The following RBM33 variants were observed in gnomAD, a reference collection of about 807,000 sequenced individuals.
The protein encoded by RBM33 is RNA-binding protein 33.
In RBM33, 28 loss-of-function variants were observed where a neutral mutation model predicts 132.6. That is an observed-to-expected ratio of 0.21 (90% CI 0.16 to 0.29). The LOEUF (loss-of-function observed/expected upper bound fraction) is 0.29. Ranked by LOEUF, RBM33 falls within the 10% of genes least tolerant of loss-of-function variation. RBM33 has a pLI of 1.00. For missense variants in RBM33, 1,291 were observed against 1,518.5 expected, an observed-to-expected ratio of 0.85 and a Z score of 2.49; for synonymous variants, 634 against 593.0, an observed-to-expected ratio of 1.07 and a Z score of -1.01.
Position 155,776,226 on chromosome 7 carries a change from G to C in RBM33, c.*1185G>C, listed in dbSNP as rs1448182522. 6.6e-6 allele frequency: 1 copy of C among 152,622 alleles called. No individual in the cohort carries two copies. Among genetic ancestry groups the C allele is most frequent in the Non-Finnish European group, 1.5e-5 (1 of 68,042 alleles). 9.5% of individuals were successfully genotyped at this position (152,622 alleles called of 1,614,324 possible). On this transcript the variant is annotated 3_prime_UTR_variant, in exon 18 of 18. Transcript: ENST00000401878. The surrounding 1 kb of genome is among the most constrained non-coding windows in gnomAD (Gnocchi z 4.0). ...TTACAGTATTTCTGCTCATGAAAGA[G>C]TTTCACTATTTTGGATATATTCTAA... is the stretch of plus-strand genomic sequence containing the variant.
chr7:155,704,277 T>C (rs35749642), intron 6 of RBM33, among the ~76,000 whole-genome samples: 1,624 of 152,322 alleles, frequency 0.011, 14 homozygotes, highest in Non-Finnish European at 0.014. Flanking sequence ...CTAGCTTTTT[T>C]TGCTCTATCA....
In RBM33 at chr7:155,755,287, C is replaced by T. The variant is rs537118146; in HGVS notation, c.2980-8525C>T. Among the ~76,000 whole-genome samples, 9 of 152,306 alleles carry T rather than the reference C, an allele frequency of 5.9e-5. No individual in the cohort carries two copies. The South Asian group carries it at 1.7e-3, about 28-fold the overall frequency. ...AGAGGCTGCCCTGGGACACTACACC[C>T]CTGTCCTTCTGTGTGTCCTGACAAT... On this transcript the variant is annotated intron_variant, in intron 14 of 17. Coordinates refer to ENST00000401878, the MANE Select transcript of RBM33 (RefSeq NM_053043.3).
chr7:155,732,517 G>A (rs1388876478), intron 9 of RBM33, among the ~76,000 whole-genome samples: 1 of 152,138 alleles, frequency 6.6e-6, no homozygotes, highest in Non-Finnish European at 1.5e-5. Flanking sequence ...TGGGGCTGAC[G>A]GCTTGTCAGC....
Position 155,775,261 on chromosome 7 carries a change from T to C in RBM33, c.*220T>C, listed in dbSNP as rs1802568417. 1 of 657,092 alleles carries C rather than the reference T, an allele frequency of 1.5e-6. No homozygotes were observed. The highest frequency in any genetic ancestry group is 2.8e-6 in the Non-Finnish European group (1 of 359,214). The allele number at this position is 657,092 out of a possible 1,614,324, so 40.7% of individuals were successfully genotyped here. On this transcript the variant is annotated 3_prime_UTR_variant, in exon 18 of 18. Transcript: ENST00000401878. ...GTTGGTGTTAGATTGCTTCACATTC[T>C]CTTGTCACCACCAAGAACTCCAAGT...
chr7:155,722,077 CTTAATT>C (rs1414543031), intron 9 of RBM33, among the ~76,000 whole-genome samples: 1 of 152,096 alleles, frequency 6.6e-6, no homozygotes, highest in Admixed American at 6.5e-5. Flanking sequence ...GATTTATGTA[CTTAATT>C]TTAGTTACAG....
At chr7:155,773,659 A>T (rs1475045324) in intron 16 of RBM33, among the ~76,000 whole-genome samples, 2 of 150,904 alleles carry the variant, frequency 1.3e-5, no homozygotes, top group East Asian at 3.9e-4. Flanking sequence ...TCCTGAGGTA[A>T]TTGAGAAGAA....
intron 6 of RBM33, 185 bp downstream of exon 6, chr7:155,701,129 T>G: frequency 1.7e-6 from 1 of 605,678 alleles, no homozygotes; most frequent in Admixed American, 3.1e-5. Flanking sequence ...TTAAAATCAT[T>G]GCTGTTTATG....
At chr7:155,737,140 C>T (rs1801149717) in intron 9 of RBM33, among the ~76,000 whole-genome samples, 2 of 152,138 alleles carry the variant, frequency 1.3e-5, no homozygotes, top group South Asian at 4.1e-4. Context: ...TGACAGTTGC[C>T]TACAGTATTC....
chr7:155,692,641 G>GTCTCCTTATTTC (rs1799679435), intron 5 of RBM33, among the ~76,000 whole-genome samples: 9 of 152,000 alleles, frequency 5.9e-5, no homozygotes, highest in Non-Finnish European at 4.4e-5. Context: ...AGATAACATT[G>GTCTCCTTATTTC]TCCTAGTCTC....
intron 14 of RBM33, among the ~76,000 whole-genome samples, chr7:155,758,678 C>T (rs973557207): frequency 2.0e-5 from 3 of 152,112 alleles, no homozygotes; most frequent in African/African-American, 4.8e-5. Context: ...CAGAGCTTAC[C>T]CAGGCAGGGC....
chr7:155,725,203 G>GTTTTTTTTT (rs59050644), intron 9 of RBM33, among the ~76,000 whole-genome samples: 2 of 105,176 alleles, frequency 1.9e-5, no homozygotes, highest in African/African-American at 3.3e-5. Context: ...TTTTTTAGTT[G>GTTTTTTTTT]TTTTTTTTTT....
Position 155,774,396 on chromosome 7 carries a change from G to A in RBM33, c.3376-163G>A, listed in dbSNP as rs1585558321. Among the ~76,000 whole-genome samples the A allele has an allele frequency of 6.6e-6, 1 of 152,180 alleles. No individual in the cohort carries two copies. The highest frequency in any genetic ancestry group is 6.5e-5 in the Admixed American group (1 of 15,276). On this transcript the variant is annotated intron_variant, in intron 16 of 17. Transcript: ENST00000401878. This position sits in a 1 kb window ranked among gnomAD's most constrained non-coding sequence, Gnocchi z 4.2. ...GTTTTGGAGTAGATTATCTAGATAA[G>A]TAAGACAAATTGCCAGGGAGCTAGA...
intron 9 of RBM33, among the ~76,000 whole-genome samples, chr7:155,726,630 C>T (rs1483597765): frequency 2.6e-5 from 4 of 152,148 alleles, no homozygotes; most frequent in Non-Finnish European, 4.4e-5. Context: ...GTATTCACAA[C>T]TCATAACAGT....
chr7:155,669,016 G>A (rs923842889), intron 2 of RBM33, among the ~76,000 whole-genome samples: 1 of 152,174 alleles, frequency 6.6e-6, no homozygotes, highest in African/African-American at 2.4e-5. Context: ...ATGAATTGCA[G>A]TTGTTTCATA....
intron 8 of RBM33, among the ~76,000 whole-genome samples, chr7:155,712,795 G>T (rs1051841301): frequency 6.6e-6 from 1 of 152,240 alleles, no homozygotes; most frequent in Admixed American, 6.5e-5. Context: ...CCTGGGTACC[G>T]TGGGGCCGTG....
chr7:155,739,984 C>A lies in RBM33; in HGVS notation c.2007C>A (p.Ser669Arg). 1 of 1,566,220 alleles carries A rather than the reference C, an allele frequency of 6.4e-7. No homozygotes were observed. Among genetic ancestry groups the A allele is most frequent in the Non-Finnish European group, 8.7e-7 (1 of 1,154,154 alleles). Residue 669 changes from serine (S) to arginine (R), a missense_variant, in exon 12 of 18, where the codon AGC becomes AGA. Coordinates refer to ENST00000401878, the MANE Select transcript of RBM33 (RefSeq NM_053043.3). ...TACAGACCGCTCAGCCTCAGGCCAG[C>A]AGCAGCCGGATGCAGTGCCCCCAGC... ...PHVQTAQPQA[S>R]SSRMQCPQRQ...
chr7:155,729,997 G>A (rs1800908606), intron 9 of RBM33, among the ~76,000 whole-genome samples: 1 of 152,166 alleles, frequency 6.6e-6, no homozygotes, highest in South Asian at 2.1e-4. Context: ...TGGGCAGCTG[G>A]TTTTACAGCA....
At chr7:155,674,988 T>C (rs1161802580) in intron 3 of RBM33, among the ~76,000 whole-genome samples, 5 of 152,200 alleles carry the variant, frequency 3.3e-5, no homozygotes, top group Non-Finnish European at 7.3e-5. Context: ...TGTCTTTTAT[T>C]CTTTTCCCAT....
chr7:155,753,811 G>A (rs1270677832), intron 14 of RBM33, among the ~76,000 whole-genome samples: 1 of 152,222 alleles, frequency 6.6e-6, no homozygotes, highest in Non-Finnish European at 1.5e-5. Context: ...AAGTTGGCTG[G>A]GTGGAGTTTG....
Sources: gnomAD v4.1 joint callset for allele counts (sites outside exome capture counted in the v4.1 genomes callset) on GRCh38, gnomAD v4.1.1 for gene constraint, Gnocchi (gnomAD v3.1) non-coding constraint, MANE v1.5 for transcripts, NCBI Gene and HGNC (gene_info 2026-07-23, HGNC 2026-07-21) for gene names.